The following UXS1 variants were observed in gnomAD, a reference collection of about 807,000 sequenced individuals.
UXS1 encodes the protein UDP-glucuronic acid decarboxylase 1.
UXS1 carries 33 observed loss-of-function variants against 62.6 expected under a neutral mutation model. The ratio of observed to expected loss-of-function variants is 0.53; its 90% CI spans 0.40 to 0.70. The LOEUF is 0.70. UXS1 is among the 30% of genes least tolerant of loss of function. UXS1 has a pLI of 0.00. For synonymous variants in UXS1, 213 were observed against 206.8 expected (o/e 1.03, Z -0.26); for missense variants, 434 against 556.3 (o/e 0.78, Z 2.21).
chr2:106,103,079 G>A (rs1380365180), intron 11 of UXS1: 1 of 152,406 alleles, frequency 6.6e-6, no homozygotes. Flanking sequence ...AGGAGCATGA[G>A]CCACGACCAT....
At chr2:106,178,163 C>T (rs1008759570) in intron 1 of UXS1, among the ~76,000 whole-genome samples, 4 of 152,342 alleles carry the variant, frequency 2.6e-5, no homozygotes, top group South Asian at 2.1e-4. Flanking sequence ...GTGCCCGCCG[C>T]GTGGGGGCCC....
intron 1 of UXS1, among the ~76,000 whole-genome samples, chr2:106,172,628 C>A (rs1273340156): frequency 6.6e-6 from 1 of 152,122 alleles, no homozygotes; most frequent in Non-Finnish European, 1.5e-5. Context: ...CCGATAAAAT[C>A]TAGGACCTTC....
chr2:106,146,577 A>G (rs569481086), intron 5 of UXS1, among the ~76,000 whole-genome samples: 1 of 151,978 alleles, frequency 6.6e-6, no homozygotes, highest in African/African-American at 2.4e-5. Flanking sequence ...TCAGGAGTTC[A>G]AGACCAGTCG....
chr2:106,147,648 T>C (rs963774651), intron 5 of UXS1, among the ~76,000 whole-genome samples: 6 of 152,182 alleles, frequency 3.9e-5, no homozygotes, highest in East Asian at 1.9e-4. Context: ...CACTTCAAAA[T>C]AGCCTGTCTT....
chr2:106,187,833 C>T (rs1009072432), intron 1 of UXS1, among the ~76,000 whole-genome samples: 7 of 151,982 alleles, frequency 4.6e-5, no homozygotes, highest in African/African-American at 1.2e-4. Context: ...TTTCCGCCTC[C>T]GGGTTCACGA....
At chr2:106,110,213 G>A (rs1468475373) in intron 10 of UXS1, among the ~76,000 whole-genome samples, 1 of 152,216 alleles carries the variant, frequency 6.6e-6, no homozygotes, top group East Asian at 1.9e-4. Context: ...TGCCTACAGA[G>A]ACTGAAGCCC....
chr2:106,126,199 C>T (rs1337918030), intron 7 of UXS1, among the ~76,000 whole-genome samples: 1 of 152,158 alleles, frequency 6.6e-6, no homozygotes, highest in Non-Finnish European at 1.5e-5. Context: ...CTGTCACATT[C>T]CTCAATTCTG....
At chr2:106,115,335 A>T (rs1179988719) in intron 9 of UXS1, among the ~76,000 whole-genome samples, 2 of 152,200 alleles carry the variant, frequency 1.3e-5, no homozygotes, top group Non-Finnish European at 2.9e-5. Context: ...AAGCAAACAC[A>T]TTCATGAACC....
chr2:106,164,262 T>C (rs1171441381), intron 3 of UXS1, among the ~76,000 whole-genome samples: 1 of 152,166 alleles, frequency 6.6e-6, no homozygotes, highest in Non-Finnish European at 1.5e-5. Context: ...CCACAGCCCA[T>C]GTTACAACGG....
chr2:106,097,407 C>A (rs1292155253), intron 13 of UXS1: 2 of 350,798 alleles, frequency 5.7e-6, no homozygotes. Flanking sequence ...GTGGGCCAGA[C>A]CTGCAGAAGA....
rs559585790 is a variant in UXS1, at chr2:106,168,582, G to C, written c.95-2499C>G. ...GGGTCCGGATCGGGACCCCTTTCCT[G>C]TAACACTTATACCTTTGAACCATGT... On this transcript the variant is annotated intron_variant, in intron 1 of 14. Transcript: ENST00000283148. 3.3e-5 allele frequency among the ~76,000 whole-genome samples: 5 copies of C among 152,228 alleles called. No individual in the cohort carries two copies. In the South Asian group the frequency reaches 8.3e-4, roughly 25 times the overall value.
chr2:106,151,739 T>C (rs1364675160), intron 5 of UXS1, among the ~76,000 whole-genome samples: 1 of 152,190 alleles, frequency 6.6e-6, no homozygotes, highest in African/African-American at 2.4e-5. Context: ...TATTTCCAAA[T>C]TCATGCTCAA....
chr2:106,128,206 A>G (rs1293162640), intron 7 of UXS1, among the ~76,000 whole-genome samples: 1 of 152,172 alleles, frequency 6.6e-6, no homozygotes, highest in African/African-American at 2.4e-5. Flanking sequence ...GATGGCAAGA[A>G]GAGGGCATCA....
At chr2:106,159,283 T>A (rs1360013759) in intron 4 of UXS1, 2 of 152,232 alleles carry the variant, frequency 1.3e-5, no homozygotes, top group African/African-American at 4.8e-5. Flanking sequence ...GCCCAACGCA[T>A]GAGGACCGCT....
rs147063342 is a variant in UXS1, at chr2:106,181,444, C to T, written c.94+12704G>A. Among the ~76,000 whole-genome samples, 1,389 of 152,300 alleles carry T rather than the reference C, an allele frequency of 9.1e-3. 9 individuals carry two copies. Among genetic ancestry groups the T allele is most frequent in the Admixed American group, 0.017 (254 of 15,304 alleles). ...GCAAAGAAAGCTGGGGCAAGCGGGGCGTGGTGGCTCACACCTGTAATCCCA... is the reference window on the plus strand; with the variant it reads ...GCAAAGAAAGCTGGGGCAAGCGGGGTGTGGTGGCTCACACCTGTAATCCCA... On this transcript the variant is annotated intron_variant, in intron 1 of 14. Transcript: ENST00000283148.
intron 11 of UXS1, chr2:106,103,088 A>G (rs2104846700): frequency 6.6e-6 from 1 of 152,558 alleles, no homozygotes; most frequent in Non-Finnish European, 1.5e-5. Flanking sequence ...AGCCACGACC[A>G]TCAAAGCAGG....
At chr2:106,120,167 G>A (rs892329664) in intron 9 of UXS1, among the ~76,000 whole-genome samples, 8 of 152,202 alleles carry the variant, frequency 5.3e-5, no homozygotes, top group Non-Finnish European at 1.5e-5. Flanking sequence ...CTACAAGGGA[G>A]CACAATATTT....
intron 5 of UXS1, among the ~76,000 whole-genome samples, chr2:106,151,156 G>C (rs1681981221): frequency 6.6e-6 from 1 of 152,216 alleles, no homozygotes. Flanking sequence ...ATCGTGTCTT[G>C]AATTTTTCCC....
chr2:106,093,469 A>C lies in UXS1; in HGVS notation c.*557T>G, dbSNP rs1176077268. ...ATCATGACCAACAGGAATATTTCAA[A>C]GTCAAGTTTGCAACTCAAAAGTAGA... On this transcript the variant is annotated 3_prime_UTR_variant, in exon 15 of 15. Transcript: ENST00000283148. 4 of 152,020 alleles carry C rather than the reference A, an allele frequency of 2.6e-5. No homozygotes were observed. The highest frequency in any genetic ancestry group is 9.7e-5 in the African/African-American group (4 of 41,278). The allele number at this position is 152,020 out of a possible 1,614,324, so 9.4% of individuals were successfully genotyped here.
Sources: gnomAD v4.1 joint callset for allele counts (sites outside exome capture counted in the v4.1 genomes callset) on GRCh38, gnomAD v4.1.1 for gene constraint, MANE v1.5 for transcripts, NCBI Gene and HGNC (gene_info 2026-07-23, HGNC 2026-07-21) for gene names.